The following IL1R1 variants were observed in gnomAD, a reference collection of about 807,000 sequenced individuals.
IL1R1 encodes the protein interleukin 1 receptor type 1.
IL1R1 carries 22 observed loss-of-function variants against 50.2 expected under a neutral mutation model. The ratio of observed to expected loss-of-function variants is 0.44; its 90% CI spans 0.31 to 0.63. IL1R1 has a LOEUF of 0.63. Among genes scored for constraint, IL1R1 ranks in the 20% least tolerant of loss-of-function variants. IL1R1 has a pLI of 0.07. For synonymous variants in IL1R1, 251 were observed against 236.7 expected, an observed-to-expected ratio of 1.06 and a Z score of -0.55; for missense variants, 509 against 676.2, an observed-to-expected ratio of 0.75 and a Z score of 2.74.
intron 1 of IL1R1, among the ~76,000 whole-genome samples, chr2:102,077,673 T>C (rs1475392123): frequency 6.6e-6 from 1 of 152,230 alleles, no homozygotes; most frequent in African/African-American, 2.4e-5. Flanking sequence ...TTTGCATGCA[T>C]GGTAATTTTT....
chr2:102,095,770 C>T (rs535408881), intron 1 of IL1R1, among the ~76,000 whole-genome samples: 4 of 152,256 alleles, frequency 2.6e-5, no homozygotes, highest in South Asian at 2.1e-4. Context: ...TTTGGGAGGC[C>T]GAGGCGGGCG....
chr2:102,112,242 A>G (rs1284732533), intron 1 of IL1R1, among the ~76,000 whole-genome samples: 1 of 151,440 alleles, frequency 6.6e-6, no homozygotes, highest in African/African-American at 2.4e-5. Context: ...TTGATCAGAC[A>G]CTCAGGCCTA....
chr2:102,139,016 C>T (rs1682496229), upstream of IL1R1, among the ~76,000 whole-genome samples: 1 of 152,146 alleles, frequency 6.6e-6, no homozygotes, highest in Non-Finnish European at 1.5e-5. Flanking sequence ...AACACAATCT[C>T]TTCAGAATTC....
intron 1 of IL1R1, among the ~76,000 whole-genome samples, chr2:102,145,801 C>T (rs1365987736): frequency 3.9e-5 from 6 of 152,170 alleles, no homozygotes; most frequent in African/African-American, 1.4e-4. Flanking sequence ...GGACTGGATG[C>T]AGAGCAAACA....
intron 1 of IL1R1, among the ~76,000 whole-genome samples, chr2:102,129,177 C>T (rs530753199): frequency 6.0e-4 from 92 of 152,214 alleles, no homozygotes; most frequent in Non-Finnish European, 1.1e-3. Flanking sequence ...TGCTACTGCA[C>T]TCCAGCCTGG....
chr2:102,075,769 A>G (rs76049976), intron 1 of IL1R1, among the ~76,000 whole-genome samples: 1 of 152,354 alleles, frequency 6.6e-6, no homozygotes, highest in East Asian at 1.9e-4. Context: ...ACGAAAATAC[A>G]GGTTAAAGAC....
chr2:102,143,091 C>T (rs1428224414), intron 1 of IL1R1, 71 bp downstream of exon 1: 1 of 152,322 alleles, frequency 6.6e-6, no homozygotes, highest in Non-Finnish European at 1.5e-5. Flanking sequence ...ACCTTCGAGT[C>T]CCCCGCTCTG....
chr2:102,138,413 T>G (rs1682462567), upstream of IL1R1, among the ~76,000 whole-genome samples: 1 of 152,242 alleles, frequency 6.6e-6, no homozygotes, highest in South Asian at 2.1e-4. Context: ...TGTCTTATCT[T>G]CCTCCTCTTA....
chr2:102,167,142 G>T (rs1685250603), intron 6 of IL1R1, among the ~76,000 whole-genome samples: 1 of 152,042 alleles, frequency 6.6e-6, no homozygotes, highest in Admixed American at 6.6e-5. Flanking sequence ...TATAAATTGG[G>T]ACTATCCCAA....
chr2:102,167,735 A>C (rs1447221534), intron 6 of IL1R1, among the ~76,000 whole-genome samples: 1 of 152,070 alleles, frequency 6.6e-6, no homozygotes, highest in Non-Finnish European at 1.5e-5. Flanking sequence ...GGTGTGAGCC[A>C]CCGCGCCCGG....
In IL1R1 at chr2:102,177,699, A is replaced by C. The variant is rs199950476; in HGVS notation, c.*940A>C. 1 of 152,404 alleles carries C rather than the reference A, an allele frequency of 6.6e-6. No homozygotes were observed. Among genetic ancestry groups the C allele is most frequent in the Non-Finnish European group, 1.5e-5 (1 of 68,066 alleles). 9.4% of individuals were successfully genotyped at this position (152,404 alleles called of 1,614,324 possible). A position where few individuals can be genotyped will look rare whatever the true frequency, so the allele number is the denominator to read the frequency against. On this transcript the variant is annotated 3_prime_UTR_variant, in exon 12 of 12. Coordinates refer to ENST00000410023, the MANE Select transcript of IL1R1 (RefSeq NM_000877.4). The stretch of plus-strand genomic sequence containing the variant: ...CCACAGGAGGGAGAGAACTTAAAAA[A>C]GCAACAGTAGCAGGGAATTGATCCA...
rs1686322312 is a variant in IL1R1 at position 102,178,455 on chromosome 2, A to G, written c.*1696A>G. 1 of 152,232 alleles carries G rather than the reference A, an allele frequency of 6.6e-6. No individual in the cohort carries two copies. The highest frequency in any genetic ancestry group is 1.5e-5 in the Non-Finnish European group (1 of 68,048). 9.4% of individuals were successfully genotyped at this position (152,232 alleles called of 1,614,324 possible). On this transcript the variant is annotated 3_prime_UTR_variant, in exon 12 of 12. Coordinates refer to ENST00000410023, the MANE Select transcript of IL1R1 (RefSeq NM_000877.4). ...ATTTTTGCAATTATTCTAATTTTAT[A>G]TATAGAGAAAGTGACCTATTTTTTA...
At chr2:102,135,986 C>A (rs1238207360) in intron 1 of IL1R1, among the ~76,000 whole-genome samples, 1 of 152,176 alleles carries the variant, frequency 6.6e-6, no homozygotes, top group Non-Finnish European at 1.5e-5. Context: ...TTCTGAGACT[C>A]CATGCCTAAG....
At chr2:102,174,476 C>A in intron 9 of IL1R1, 111 bp from the exon 10 acceptor site, 1 of 685,436 alleles carries the variant, frequency 1.5e-6, no homozygotes, top group Non-Finnish European at 2.3e-6. Context: ...GAATGCAGGC[C>A]ATTCCCAGAT....
chr2:102,175,942 GAAT>G, intron 11 of IL1R1: 1 of 500,498 alleles, frequency 2.0e-6, no homozygotes, highest in South Asian at 3.4e-5. Flanking sequence ...TCAAATGATT[GAAT>G]AATAAGTTTT....
At chr2:102,109,344 A>C (rs763879242) in intron 1 of IL1R1, among the ~76,000 whole-genome samples, 3 of 150,620 alleles carry the variant, frequency 2.0e-5, no homozygotes, top group Admixed American at 6.6e-5. Context: ...TAATATCTTG[A>C]ATCTTTCTCG....
chr2:102,132,244 G>T (rs1167949223), intron 1 of IL1R1, among the ~76,000 whole-genome samples: 1 of 151,202 alleles, frequency 6.6e-6, no homozygotes, highest in African/African-American at 2.4e-5. Context: ...CTATCCAAAG[G>T]ATAGAGCACC....
intron 1 of IL1R1, among the ~76,000 whole-genome samples, chr2:102,133,556 C>T (rs1682164119): frequency 6.6e-6 from 1 of 152,152 alleles, no homozygotes; most frequent in African/African-American, 2.4e-5. Context: ...AAAGCTAATG[C>T]ATCGTGACCA....
intron 1 of IL1R1, among the ~76,000 whole-genome samples, chr2:102,137,705 A>C (rs751439813): frequency 2.0e-5 from 3 of 152,206 alleles, no homozygotes; most frequent in Non-Finnish European, 4.4e-5. Flanking sequence ...TTGTTTGAAC[A>C]AGTCAATAAG....
Sources: allele counts gnomAD v4.1 joint callset (sites outside exome capture counted in the v4.1 genomes callset), GRCh38; gene constraint gnomAD v4.1.1; transcripts MANE v1.5; gene names NCBI Gene and HGNC (gene_info 2026-07-23, HGNC 2026-07-21).